The following HLCS variants were observed in gnomAD, a reference collection of about 807,000 sequenced individuals.
HLCS encodes holocarboxylase synthetase, also known as biotin--protein ligase.
Under a neutral mutation model 75.0 loss-of-function variants are expected in HLCS, and 53 were observed. The ratio of observed to expected loss-of-function variants is 0.71; its 90% CI spans 0.57 to 0.89. HLCS has a LOEUF of 0.89. HLCS is among the 40% of genes least tolerant of loss of function. The pLI, the probability that HLCS is intolerant of heterozygous loss-of-function variation, is 0.00. For missense variants in HLCS, 966 were observed against 1,074.0 expected (o/e 0.90, Z 1.41); for synonymous variants, 431 against 428.6 (o/e 1.01, Z -0.07).
intron 2 of HLCS, among the ~76,000 whole-genome samples, chr21:36,956,589 G>T (rs1395056043): frequency 2.0e-5 from 3 of 152,058 alleles, no homozygotes; most frequent in African/African-American, 7.2e-5. Flanking sequence ...AATTAGCCGG[G>T]TGTGGTGGTG....
intron 5 of HLCS, among the ~76,000 whole-genome samples, chr21:36,908,397 A>C (rs959897718): frequency 1.8e-4 from 28 of 152,048 alleles, no homozygotes; most frequent in Admixed American, 1.8e-3. Flanking sequence ...CTCTTAAAAA[A>C]AAAAAAAAAG....
At chr21:36,859,458 T>A (rs1444439094) in intron 6 of HLCS, among the ~76,000 whole-genome samples, 1 of 152,114 alleles carries the variant, frequency 6.6e-6, no homozygotes, top group African/African-American at 2.4e-5. Flanking sequence ...CCCTCAGCTC[T>A]CCCCACTCTG....
At chr21:36,771,219 C>T (rs992314433) in intron 6 of HLCS, among the ~76,000 whole-genome samples, 1 of 142,318 alleles carries the variant, frequency 7.0e-6, no homozygotes, top group East Asian at 2.0e-4. Flanking sequence ...GACTCCGTCT[C>T]AAATAAATAA....
chr21:36,899,830 G>A (rs1244500484), intron 5 of HLCS, among the ~76,000 whole-genome samples: 5 of 152,016 alleles, frequency 3.3e-5, no homozygotes, highest in Non-Finnish European at 5.9e-5. Flanking sequence ...AAGTCCGGGC[G>A]CAGTGGCTCA....
At chr21:36,784,426 G>A (rs556564978) in intron 6 of HLCS, among the ~76,000 whole-genome samples, 2 of 150,046 alleles carry the variant, frequency 1.3e-5, no homozygotes, top group East Asian at 2.0e-4. Context: ...AGCAATTCTC[G>A]TGCCTCAGCC....
chr21:36,817,082 C>T (rs538331897), intron 6 of HLCS, among the ~76,000 whole-genome samples: 15 of 152,210 alleles, frequency 9.9e-5, no homozygotes, highest in South Asian at 2.1e-4. Context: ...GAAGAGTAAG[C>T]GTTCGATGAA....
At chr21:36,781,954 T>G in intron 6 of HLCS, among the ~76,000 whole-genome samples, 1 of 151,972 alleles carries the variant, frequency 6.6e-6, no homozygotes, top group East Asian at 1.9e-4. Context: ...ATTTTTCTTT[T>G]TTGATCTATT....
chr21:36,887,540 T>C (rs953347139), intron 6 of HLCS, among the ~76,000 whole-genome samples: 4 of 152,166 alleles, frequency 2.6e-5, no homozygotes, highest in African/African-American at 9.7e-5. Context: ...ATGTGAAAGG[T>C]TAACTTATTC....
intron 6 of HLCS, among the ~76,000 whole-genome samples, chr21:36,812,325 T>C (rs76773969): frequency 0.013 from 2,028 of 152,300 alleles, 36 homozygotes; most frequent in African/African-American, 0.046. Flanking sequence ...TATGGAATTA[T>C]CTGTAATTTT....
At chr21:36,916,762 A>G (rs2065951965) in intron 5 of HLCS, among the ~76,000 whole-genome samples, 1 of 152,076 alleles carries the variant, frequency 6.6e-6, no homozygotes, top group South Asian at 2.1e-4. Flanking sequence ...TATCCCCCTC[A>G]ACCCTGTAGG....
chr21:36,778,288 A>T lies in HLCS; in HGVS notation c.1893-11003T>A, dbSNP rs1044891897. On this transcript the variant is annotated intron_variant, in intron 6 of 10. Coordinates refer to ENST00000674895, the MANE Select transcript of HLCS (RefSeq NM_001352514.2). ...CTGGCTGCTTGAATCAATTATTATT[A>T]TTATTTTTTGAGACAGAGTCTCACT... 4.3e-5 allele frequency among the ~76,000 whole-genome samples: 6 copies of T among 140,992 alleles called. 1 individual carries two copies. The Admixed American group carries it at 4.3e-4, about 10-fold the overall frequency. 92.5% of individuals were successfully genotyped at this position (140,992 alleles called of 152,430 possible). A position where few individuals can be genotyped will look rare whatever the true frequency, so the allele number is the denominator to read the frequency against.
chr21:36,869,932 T>A (rs2063712781), intron 6 of HLCS, among the ~76,000 whole-genome samples: 1 of 152,156 alleles, frequency 6.6e-6, no homozygotes, highest in Admixed American at 6.5e-5. Flanking sequence ...TGCTTTGGAA[T>A]CCTTTAGGAG....
chr21:36,825,442 A>G (rs914329142), intron 6 of HLCS, among the ~76,000 whole-genome samples: 1 of 151,992 alleles, frequency 6.6e-6, no homozygotes, highest in Non-Finnish European at 1.5e-5. Context: ...CCTATTCTTG[A>G]GACTGGTTTG....
chr21:36,888,467 T>A (rs1467064367), intron 6 of HLCS, among the ~76,000 whole-genome samples: 4,427 of 62,758 alleles, frequency 0.071, 419 homozygotes, highest in Non-Finnish European at 0.11. Flanking sequence ...TATATATATA[T>A]ATATATATAT....
chr21:36,760,609 C>CAAA (rs571481654), intron 8 of HLCS, among the ~76,000 whole-genome samples: 1 of 96,122 alleles, frequency 1.0e-5, no homozygotes. Context: ...GACTCTGTCT[C>CAAA]AAAAAAAAAA....
intron 2 of HLCS, among the ~76,000 whole-genome samples, chr21:36,949,267 T>C (rs1263889818): frequency 6.6e-6 from 1 of 152,250 alleles, no homozygotes; most frequent in African/African-American, 2.4e-5. Flanking sequence ...CTCTGCTCCA[T>C]GTGGCATCAG....
At chr21:36,970,710 T>C (rs990102910), upstream of HLCS, among the ~76,000 whole-genome samples, 1 of 151,410 alleles carries the variant, frequency 6.6e-6, no homozygotes, top group African/African-American at 2.4e-5. Context: ...TAGAAAATCT[T>C]CGCCGGGCAC....
At chr21:36,980,026 CAAAAAA>C (rs71198844) in intron 1 of HLCS, among the ~76,000 whole-genome samples, 101 of 55,122 alleles carry the variant, frequency 1.8e-3, no homozygotes, top group Admixed American at 5.3e-3. Flanking sequence ...GTCCCCATCT[CAAAAAA>C]AAAAAAAAAA....
chr21:36,906,862 G>A (rs1237158801), intron 5 of HLCS, among the ~76,000 whole-genome samples: 2 of 152,132 alleles, frequency 1.3e-5, no homozygotes, highest in East Asian at 3.9e-4. Context: ...ATAGATTACT[G>A]GCACAGAATA....
Sources: allele counts gnomAD v4.1 joint callset (sites outside exome capture counted in the v4.1 genomes callset), GRCh38; gene constraint gnomAD v4.1.1; transcripts MANE v1.5; gene names NCBI Gene and HGNC (gene_info 2026-07-23, HGNC 2026-07-21).